ANO10: variants seen among roughly 807,000 people sequenced by gnomAD.
ANO10 encodes anoctamin-10.
Under a neutral mutation model 74.7 loss-of-function variants are expected in ANO10, and 77 were observed. The ratio of observed to expected loss-of-function variants is 1.03; its 90% CI spans 0.86 to 1.25. The LOEUF is 1.25. Ranked by LOEUF, ANO10 falls within the 50% of genes most tolerant of loss-of-function variation. The pLI is 0.00. For missense variants in ANO10, 721 were observed against 778.1 expected (o/e 0.93, Z 0.87); for synonymous variants, 279 against 284.9 (o/e 0.98, Z 0.21).
At chr3:43,535,264 ATTCTTTTTTTTT>A (rs1451186067) in intron 11 of ANO10, among the ~76,000 whole-genome samples, 1 of 111,130 alleles carries the variant, frequency 9.0e-6, no homozygotes, top group African/African-American at 3.2e-5. Context: ...ATACCTAGAC[ATTCTTTTTTTTT>A]TTTTTTTTTT....
chr3:43,686,753 T>C (rs570047375), intron 1 of ANO10, among the ~76,000 whole-genome samples: 7 of 152,338 alleles, frequency 4.6e-5, no homozygotes, highest in Middle Eastern at 3.4e-3. Flanking sequence ...TAATGGCTAC[T>C]GTATCAGAGA....
rs1001667519 is a variant in ANO10, at chr3:43,560,681, A to G, written c.1476+539T>C. ...TATGAGCTAGACCTTTCAAATATTAAAAGTGTAAATCTCTAATGATCTGCT... is the reference window on the plus strand; with the variant it reads ...TATGAGCTAGACCTTTCAAATATTAGAAGTGTAAATCTCTAATGATCTGCT... On this transcript the variant is annotated intron_variant, in intron 9 of 12. Coordinates refer to ENST00000292246, the MANE Select transcript of ANO10 (RefSeq NM_018075.5). 4.6e-5 allele frequency among the ~76,000 whole-genome samples: 7 copies of G among 152,344 alleles called. No homozygotes were observed. The South Asian group carries it at 1.0e-3, about 23-fold the overall frequency.
chr3:43,612,592 G>A (rs1575546015), intron 1 of ANO10, among the ~76,000 whole-genome samples: 2 of 152,104 alleles, frequency 1.3e-5, no homozygotes, highest in Non-Finnish European at 2.9e-5. Context: ...CTCAACCAGG[G>A]CAATTTTCAG....
chr3:43,612,597 T>A (rs1403556542), intron 1 of ANO10, among the ~76,000 whole-genome samples: 1 of 152,146 alleles, frequency 6.6e-6, no homozygotes, highest in Non-Finnish European at 1.5e-5. Context: ...CCAGGGCAAT[T>A]TTCAGACTTT....
chr3:43,541,020 A>T (rs1017596673), intron 11 of ANO10, among the ~76,000 whole-genome samples: 1 of 152,222 alleles, frequency 6.6e-6, no homozygotes, highest in African/African-American at 2.4e-5. Context: ...AAATTCCAAG[A>T]TTATCACAGG....
chr3:43,509,289 G>C (rs1462190178), intron 11 of ANO10, among the ~76,000 whole-genome samples: 2 of 151,692 alleles, frequency 1.3e-5, no homozygotes, highest in Non-Finnish European at 2.9e-5. Context: ...AACGGGTGCA[G>C]CACACCAACA....
chr3:43,574,969 G>C (rs2080927181), intron 6 of ANO10, 105 bp from the exon 7 acceptor site: 9 of 867,994 alleles, frequency 1.0e-5, no homozygotes, highest in Non-Finnish European at 1.6e-5. Flanking sequence ...TCCAACATCA[G>C]AGCCTCAGTC....
chr3:43,430,500 T>C (rs2092964579), intron 12 of ANO10, among the ~76,000 whole-genome samples: 1 of 152,054 alleles, frequency 6.6e-6, no homozygotes, highest in Non-Finnish European at 1.5e-5. Context: ...ATAATAATTT[T>C]CCCAAACAGC....
chr3:43,656,820 C>G (rs1243275695), intron 1 of ANO10, among the ~76,000 whole-genome samples: 1 of 152,234 alleles, frequency 6.6e-6, no homozygotes, highest in Non-Finnish European at 1.5e-5. Context: ...TCCACACCTC[C>G]CTGCAAGCTA....
At chr3:43,566,019 T>C (rs2080312230) in intron 7 of ANO10, among the ~76,000 whole-genome samples, 1 of 152,168 alleles carries the variant, frequency 6.6e-6, no homozygotes, top group African/African-American at 2.4e-5. Flanking sequence ...ATTGCCTCCC[T>C]TGGGAAGCGC....
chr3:43,388,080 A>T (rs753291799), intron 12 of ANO10, among the ~76,000 whole-genome samples: 2 of 152,186 alleles, frequency 1.3e-5, no homozygotes, highest in African/African-American at 2.4e-5. Flanking sequence ...TTTCACAAAC[A>T]TGTGCACTCT....
At chr3:43,458,781 G>A (rs1043794318) in intron 11 of ANO10, among the ~76,000 whole-genome samples, 2 of 152,084 alleles carry the variant, frequency 1.3e-5, no homozygotes, top group African/African-American at 2.4e-5. Flanking sequence ...ATACATTAGG[G>A]ATTTGTCCTA....
intron 4 of ANO10, among the ~76,000 whole-genome samples, chr3:43,588,245 C>T (rs776676182): frequency 1.4e-4 from 21 of 151,776 alleles, no homozygotes; most frequent in South Asian, 6.2e-4. Context: ...TTAGTAATTA[C>T]GGTAATGTTA....
At chr3:43,431,933 C>T (rs1043317713) in intron 12 of ANO10, among the ~76,000 whole-genome samples, 4 of 152,028 alleles carry the variant, frequency 2.6e-5, no homozygotes, top group Non-Finnish European at 4.4e-5. Context: ...GAGTATGTGT[C>T]CAGGAGGTTC....
intron 11 of ANO10, among the ~76,000 whole-genome samples, chr3:43,466,182 CCA>C (rs2075603226): frequency 6.6e-6 from 1 of 151,766 alleles, no homozygotes; most frequent in Admixed American, 6.6e-5. Context: ...ACCATCCCGG[CCA>C]ACATGGTGAA....
At chr3:43,590,189 G>C (rs1456840493) in intron 4 of ANO10, among the ~76,000 whole-genome samples, 1 of 152,190 alleles carries the variant, frequency 6.6e-6, no homozygotes, top group East Asian at 1.9e-4. Context: ...TCATTTAGAT[G>C]TCCACAGTAC....
At chr3:43,405,926 T>A (rs1442258953) in intron 12 of ANO10, among the ~76,000 whole-genome samples, 1 of 152,212 alleles carries the variant, frequency 6.6e-6, no homozygotes, top group African/African-American at 2.4e-5. Flanking sequence ...GAAAAACAAT[T>A]TTCCTTTAAT....
chr3:43,484,193 A>G (rs1436556808), intron 11 of ANO10, among the ~76,000 whole-genome samples: 5 of 152,142 alleles, frequency 3.3e-5, no homozygotes, highest in Non-Finnish European at 7.3e-5. Context: ...TCAGCCTCCC[A>G]AAGTGCTGGG....
chr3:43,405,751 G>T (rs943255677), intron 12 of ANO10, among the ~76,000 whole-genome samples: 1 of 152,170 alleles, frequency 6.6e-6, no homozygotes. Flanking sequence ...TGGGATTACA[G>T]GCGTGAGCCA....
Sources: allele counts gnomAD v4.1 joint callset (sites outside exome capture counted in the v4.1 genomes callset), GRCh38; gene constraint gnomAD v4.1.1; transcripts MANE v1.5; gene names NCBI Gene and HGNC (gene_info 2026-07-23, HGNC 2026-07-21).